The following TNFSF10 variants were observed in gnomAD, a reference collection of about 807,000 sequenced individuals.
The protein encoded by TNFSF10 is TNF superfamily member 10, also known as tumor necrosis factor ligand superfamily member 10.
Under a neutral mutation model 29.5 loss-of-function variants are expected in TNFSF10, and 13 were observed. The observed-to-expected ratio is 0.44, with a 90% CI of 0.29 to 0.70. The LOEUF is 0.70. Ranked by LOEUF, TNFSF10 falls within the 30% of genes least tolerant of loss-of-function variation. The pLI is 0.13. For synonymous variants in TNFSF10, 111 were observed against 112.8 expected (o/e 0.98, Z 0.10); for missense variants, 345 against 330.9 (o/e 1.04, Z -0.33).
intron 1 of TNFSF10, among the ~76,000 whole-genome samples, chr3:172,522,991 CA>C (rs1216176245): frequency 6.6e-6 from 1 of 152,152 alleles, no homozygotes; most frequent in Non-Finnish European, 1.5e-5. Context: ...CTTTTAAAAA[CA>C]AAAAATCCCT....
intron 1 of TNFSF10, chr3:172,517,529 C>CA (rs1264863482): frequency 1.4e-5 from 14 of 984,966 alleles, no homozygotes; most frequent in Non-Finnish European, 1.3e-5. Flanking sequence ...AAAAACCCTC[C>CA]AAAAACTAAA....
chr3:172,519,708 C>G (rs530738329), intron 1 of TNFSF10, among the ~76,000 whole-genome samples: 1 of 152,230 alleles, frequency 6.6e-6, no homozygotes, highest in African/African-American at 2.4e-5. Flanking sequence ...TCTGCCTCAT[C>G]CATTTCCAAA....
At chr3:172,517,246 T>C (rs1206344747) in intron 1 of TNFSF10, 1 of 778,680 alleles carries the variant, frequency 1.3e-6, no homozygotes, top group African/African-American at 1.9e-5. Flanking sequence ...AGGATGGTCG[T>C]GGTGGAGCTT....
At chr3:172,523,223 C>A in intron 1 of TNFSF10, 30 bp downstream of exon 1, 1 of 1,561,614 alleles carries the variant, frequency 6.4e-7, no homozygotes, top group Non-Finnish European at 8.8e-7. Flanking sequence ...CTAAGCGCCT[C>A]GAAGACTGAG....
At chr3:172,513,051 AAG>A (rs1459939903) in intron 2 of TNFSF10, among the ~76,000 whole-genome samples, 1 of 152,228 alleles carries the variant, frequency 6.6e-6, no homozygotes, top group African/African-American at 2.4e-5. Flanking sequence ...TGAAAAGAAA[AAG>A]AGAATTATTT....
chr3:172,520,253 C>T (rs1713627445), intron 1 of TNFSF10, among the ~76,000 whole-genome samples: 1 of 152,146 alleles, frequency 6.6e-6, no homozygotes, highest in Non-Finnish European at 1.5e-5. Context: ...TTTGTTTTGT[C>T]TGTCAAAGAT....
intron 1 of TNFSF10, chr3:172,522,159 G>T: frequency 5.8e-6 from 2 of 342,512 alleles, no homozygotes; most frequent in South Asian, 5.1e-5. Context: ...GTATACCTAT[G>T]TAACAAACCT....
intron 1 of TNFSF10, among the ~76,000 whole-genome samples, chr3:172,516,324 T>C (rs1713437107): frequency 6.6e-6 from 1 of 151,708 alleles, no homozygotes; most frequent in South Asian, 2.1e-4. Context: ...AAAATGACAA[T>C]TTTAATCTGT....
rs6784241 is a variant in TNFSF10 at position 172,522,544 on chromosome 3, G to C, written c.132+709C>G. 3,259 of 575,366 alleles carry C rather than the reference G, an allele frequency of 5.7e-3. 82 individuals are homozygous for C. Among genetic ancestry groups the C allele is most frequent in the African/African-American group, 0.054 (2,871 of 53,642 alleles). 35.6% of individuals were successfully genotyped at this position (575,366 alleles called of 1,614,324 possible). On this transcript the variant is annotated intron_variant, in intron 1 of 4. Coordinates refer to ENST00000241261, the MANE Select transcript of TNFSF10 (RefSeq NM_003810.4). ...GGAAAACTGAACCAACGGTAATTGA[G>C]GAAATAGACTCTTTTATTTATTCAT...
chr3:172,510,678 G>A (rs1713183277), intron 3 of TNFSF10, among the ~76,000 whole-genome samples: 1 of 151,754 alleles, frequency 6.6e-6, no homozygotes, highest in African/African-American at 2.4e-5. Context: ...TCTATCTGCT[G>A]TAGACCATTA....
At chr3:172,513,369 AG>A (rs1713302296) in intron 2 of TNFSF10, among the ~76,000 whole-genome samples, 1 of 152,164 alleles carries the variant, frequency 6.6e-6, no homozygotes, top group African/African-American at 2.4e-5. Flanking sequence ...TCTCCAGCCC[AG>A]GCTTTTCCTA....
In TNFSF10 at chr3:172,520,910, C is replaced by T. The variant is rs1577016196; in HGVS notation, c.132+2343G>A. On this transcript the variant is annotated intron_variant, in intron 1 of 4. Transcript: ENST00000241261. ...CAGAAATAACACTACACATCTACAA[C>T]CACCTGATCTTTGACAAACCTGACA... 5.3e-5 allele frequency among the ~76,000 whole-genome samples: 8 copies of T among 152,156 alleles called. No individual in the cohort carries two copies. In the South Asian group the frequency reaches 1.7e-3, roughly 32 times the overall value.
rs1210528957 is a variant in TNFSF10 at position 172,506,840 on chromosome 3, G to A, written c.498C>T (p.Asn166=). 6.2e-7 allele frequency: 1 copy of A among 1,614,176 alleles called. No individual in the cohort carries two copies. Among genetic ancestry groups the A allele is most frequent in the Non-Finnish European group, 8.5e-7 (1 of 1,180,042 alleles). Residue 166 remains asparagine, a synonymous_variant, in exon 5 of 5, where the codon AAC becomes AAT. Coordinates refer to ENST00000241261, the MANE Select transcript of TNFSF10 (RefSeq NM_003810.4). ...SSRSGHSFLS[N]LHLRNGELVI... ...CCAGTTCACCATTCCTCAAGTGCAA[G>A]TTGCTCAGGAATGAATGCCCACTCC...
intron 3 of TNFSF10, 39 bp from the exon 4 acceptor site, chr3:172,509,360 A>T: frequency 6.5e-7 from 1 of 1,545,880 alleles, no homozygotes; most frequent in Non-Finnish European, 8.9e-7. Flanking sequence ...ACACTTGCCA[A>T]ACTAGTTCTC....
At chr3:172,514,768 T>C in intron 2 of TNFSF10, 93 bp downstream of exon 2, 1 of 1,501,814 alleles carries the variant, frequency 6.7e-7, no homozygotes. Context: ...AAATGAAGAG[T>C]CTAGACTTGA....
intron 2 of TNFSF10, 107 bp from the exon 3 acceptor site, chr3:172,511,766 C>G (rs1332815826): frequency 2.3e-6 from 2 of 887,310 alleles, no homozygotes; most frequent in East Asian, 5.7e-5. Flanking sequence ...TTTCTACATG[C>G]ATTATCAATC....
At chr3:172,515,129 G>T in intron 1 of TNFSF10, 131 bp from the exon 2 acceptor site, 4 of 1,112,994 alleles carry the variant, frequency 3.6e-6, no homozygotes, top group Non-Finnish European at 2.6e-6. Context: ...GTTCCTGTTT[G>T]AAATAAAAGT....
At chr3:172,515,084 T>G in intron 1 of TNFSF10, 86 bp from the exon 2 acceptor site, 1 of 1,576,858 alleles carries the variant, frequency 6.3e-7, no homozygotes, top group Non-Finnish European at 8.6e-7. Flanking sequence ...CAGAAACTGA[T>G]AGCAGACTTA....
chr3:172,511,519 G>A (rs1713222816), intron 3 of TNFSF10, 98 bp downstream of exon 3: 3 of 944,100 alleles, frequency 3.2e-6, no homozygotes, highest in Admixed American at 5.1e-5. Flanking sequence ...GAGGATGGAT[G>A]AGTGGATGAG....
Sources: allele counts gnomAD v4.1 joint callset (sites outside exome capture counted in the v4.1 genomes callset), GRCh38; gene constraint gnomAD v4.1.1; transcripts MANE v1.5; gene names NCBI Gene and HGNC (gene_info 2026-07-23, HGNC 2026-07-21).